Variants in TXNL4A observed in about 807,000 individuals in gnomAD.
The protein encoded by TXNL4A is thioredoxin like 4A.
Under a neutral mutation model 14.6 loss-of-function variants are expected in TXNL4A, and 17 were observed. The ratio of observed to expected loss-of-function variants is 1.16; its 90% CI spans 0.80 to 1.74. The LOEUF (loss-of-function observed/expected upper bound fraction) is 1.74, where lower values mean the gene tolerates loss of function less well. TXNL4A is among the 40% of genes most tolerant of loss of function. TXNL4A has a pLI of 0.00. For missense variants in TXNL4A, 74 were observed against 195.2 expected, an observed-to-expected ratio of 0.38 and a Z score of 3.70; for synonymous variants, 83 against 70.6, an observed-to-expected ratio of 1.18 and a Z score of -0.88.
intron 1 of TXNL4A, among the ~76,000 whole-genome samples, chr18:80,010,647 C>T (rs914869194): frequency 2.0e-5 from 3 of 152,218 alleles, no homozygotes; most frequent in African/African-American, 7.2e-5. Context: ...CATTTTTATG[C>T]CCAGCCTTGT....
intron 1 of TXNL4A, among the ~76,000 whole-genome samples, chr18:79,995,937 C>T (rs1599737894): frequency 1.3e-5 from 2 of 151,714 alleles, no homozygotes; most frequent in South Asian, 2.1e-4. Context: ...CCCGTCTCTA[C>T]TAAAAATGCA....
rs987944743 is a variant in TXNL4A at position 79,971,173 on chromosome 18, T to C, written c.*2512A>G. ...CATTCTGTTTATGACTGAATAATAT[T>C]CCGTTCTATGGATGGACATTTTGTT... On this transcript the variant is annotated 3_prime_UTR_variant, in exon 3 of 3. Transcript: ENST00000269601. 2.6e-5 allele frequency: 4 copies of C among 152,324 alleles called. No homozygotes were observed. Among genetic ancestry groups the C allele is most frequent in the Non-Finnish European group, 5.9e-5 (4 of 68,100 alleles). The allele number at this position is 152,324 out of a possible 1,614,324, so 9.4% of individuals were successfully genotyped here.
At chr18:79,986,760 AG>A (rs1364856616) in intron 1 of TXNL4A, 3 of 985,370 alleles carry the variant, frequency 3.0e-6, no homozygotes, top group Non-Finnish European at 3.6e-6. Context: ...CCTGCAATGT[AG>A]AACAGTGAAA....
At position 79,982,327 on chromosome 18, in the gene TXNL4A, G is replaced by T. The variant is rs1314288992; in HGVS notation, c.154-4626C>A. Among the ~76,000 whole-genome samples the T allele has an allele frequency of 6.6e-6, 1 of 152,180 alleles. No individual in the cohort carries two copies. The highest frequency in any genetic ancestry group is 6.5e-5 in the Admixed American group (1 of 15,282). Reference sequence around the variant, plus strand: ...TATTTCTAAGAAAGCAGGAATTGAAGAGTTCAGTTTTGTATATACTGAGTT... The same window carrying T: ...TATTTCTAAGAAAGCAGGAATTGAATAGTTCAGTTTTGTATATACTGAGTT... On this transcript the variant is annotated intron_variant, in intron 1 of 2. Coordinates refer to ENST00000269601, the MANE Select transcript of TXNL4A (RefSeq NM_006701.5). The surrounding 1 kb of genome is among the most constrained non-coding windows in gnomAD (Gnocchi z 4.0).
At chr18:79,975,480 C>T (rs2051365099) in intron 2 of TXNL4A, among the ~76,000 whole-genome samples, 1 of 152,274 alleles carries the variant, frequency 6.6e-6, no homozygotes, top group South Asian at 2.1e-4. Flanking sequence ...TGCCTGCAGC[C>T]TCCTTGCCCC....
At chr18:79,983,450 C>T (rs558033414) in intron 1 of TXNL4A, among the ~76,000 whole-genome samples, 5 of 152,294 alleles carry the variant, frequency 3.3e-5, no homozygotes, top group African/African-American at 1.2e-4. Context: ...AGTCCACCTG[C>T]CAAGTTACAA....
At chr18:80,033,925 G>A (rs1379784181) in exon 1 of TXNL4A, 4 of 146,738 alleles carry the variant, frequency 2.7e-5, no homozygotes, top group African/African-American at 1.0e-4. Flanking sequence ...TGCCCTTCTC[G>A]CTTCAGTCTT....
chr18:80,033,463 C>A (rs1167102611), intron 1 of TXNL4A, among the ~76,000 whole-genome samples: 1 of 152,234 alleles, frequency 6.6e-6, no homozygotes, highest in African/African-American at 2.4e-5. Context: ...CGGGGCGAGA[C>A]CACTTCTGGG....
chr18:80,032,236 C>T (rs893450216), intron 1 of TXNL4A, among the ~76,000 whole-genome samples: 2 of 152,068 alleles, frequency 1.3e-5, no homozygotes, highest in African/African-American at 4.8e-5. Context: ...TAGGAATAAA[C>T]CATCCCAGCA....
chr18:79,994,260 G>A (rs368982788), intron 1 of TXNL4A, among the ~76,000 whole-genome samples: 4 of 152,234 alleles, frequency 2.6e-5, no homozygotes, highest in South Asian at 2.1e-4. Context: ...GTGTACCCGC[G>A]AACCAGAATG....
Position 79,973,455 on chromosome 18 carries a change from A to G in TXNL4A, c.*230T>C. On this transcript the variant is annotated 3_prime_UTR_variant, in exon 3 of 3. Coordinates refer to ENST00000269601, the MANE Select transcript of TXNL4A (RefSeq NM_006701.5). ...ACTCCAAGGGTAAGAATTAACTTTG[A>G]CTAGGAAAATCAGTAATCTATTCAT... 2.1e-6 allele frequency: 1 copy of G among 480,278 alleles called. No individual in the cohort carries two copies. Among genetic ancestry groups the G allele is most frequent in the Non-Finnish European group, 3.6e-6 (1 of 281,144 alleles). The allele number at this position is 480,278 out of a possible 1,614,324, so 29.8% of individuals were successfully genotyped here.
intron 2 of TXNL4A, among the ~76,000 whole-genome samples, chr18:79,974,512 CTTTT>C (rs1215213482): frequency 6.6e-6 from 1 of 152,152 alleles, no homozygotes; most frequent in Non-Finnish European, 1.5e-5. Context: ...GTTGAAGTTT[CTTTT>C]TGAGATGGGG....
In TXNL4A at chr18:79,988,439, G is replaced by A. The variant is rs1895628807; in HGVS notation, c.-47C>T. The A allele has an allele frequency of 2.2e-6, 3 of 1,365,404 alleles. No homozygotes were observed. The South Asian group carries it at 5.0e-5, about 23-fold the overall frequency. 84.6% of individuals were successfully genotyped at this position (1,365,404 alleles called of 1,614,324 possible). A position where few individuals can be genotyped will look rare whatever the true frequency, so the allele number is the denominator to read the frequency against. On this transcript the variant is annotated 5_prime_UTR_variant, in exon 1 of 3. Coordinates refer to ENST00000269601, the MANE Select transcript of TXNL4A (RefSeq NM_006701.5). ...CGCCCAAGGCGGGGCGCCAGGGAGG[G>A]CCCAGCGAGGTGGGCTCAGCCGGCC...
intron 1 of TXNL4A, among the ~76,000 whole-genome samples, chr18:80,025,600 C>T (rs1033242908): frequency 1.1e-4 from 17 of 152,188 alleles, no homozygotes; most frequent in Admixed American, 5.9e-4. Flanking sequence ...GGAGCCCCAG[C>T]GATTGTCTAC....
At chr18:80,007,935 A>G (rs11081582) in intron 1 of TXNL4A, among the ~76,000 whole-genome samples, 118,649 of 151,980 alleles carry the variant, frequency 0.78, 47,067 homozygotes, top group East Asian at 0.92. Flanking sequence ...TGGTCACCAG[A>G]TGATTTTTGC....
intron 1 of TXNL4A, among the ~76,000 whole-genome samples, chr18:79,980,019 G>A (rs1286759784): frequency 6.6e-6 from 1 of 152,200 alleles, no homozygotes; most frequent in East Asian, 1.9e-4. Flanking sequence ...AATCAGTTAA[G>A]GTAAGATGAG....
At chr18:79,974,120 AGGTCAAAG>A (rs1383884839) in intron 2 of TXNL4A, among the ~76,000 whole-genome samples, 2 of 152,164 alleles carry the variant, frequency 1.3e-5, no homozygotes, top group African/African-American at 4.8e-5. Flanking sequence ...GGAAATTAAA[AGGTCAAAG>A]GAGGGCAGGC....
At chr18:80,025,715 C>CTA (rs2051880131) in intron 1 of TXNL4A, among the ~76,000 whole-genome samples, 1 of 152,220 alleles carries the variant, frequency 6.6e-6, no homozygotes, top group Non-Finnish European at 1.5e-5. Flanking sequence ...GTATCAGAAC[C>CTA]TATGACCCAG....
upstream of TXNL4A, among the ~76,000 whole-genome samples, chr18:79,990,197 C>T (rs2051616946): frequency 6.6e-6 from 1 of 152,238 alleles, no homozygotes; most frequent in Non-Finnish European, 1.5e-5. Flanking sequence ...GTGCAGCTCA[C>T]TGCCAGATTA....
Sources: allele counts gnomAD v4.1 joint callset (sites outside exome capture counted in the v4.1 genomes callset), GRCh38; gene constraint gnomAD v4.1.1; non-coding constraint Gnocchi (gnomAD v3.1); transcripts MANE v1.5; gene names NCBI Gene and HGNC (gene_info 2026-07-23, HGNC 2026-07-21).